RAB11FIP4: variants seen among roughly 807,000 people sequenced by gnomAD.
The protein encoded by RAB11FIP4 is RAB11 family interacting protein 4, also known as rab11 family-interacting protein 4.
RAB11FIP4 carries 23 observed loss-of-function variants against 74.3 expected under a neutral mutation model. The observed-to-expected ratio is 0.31, with a 90% CI of 0.22 to 0.44. RAB11FIP4 has a LOEUF of 0.44. RAB11FIP4 is among the 20% of genes least tolerant of loss of function. RAB11FIP4 has a pLI of 1.00. For synonymous variants in RAB11FIP4, 360 were observed against 359.9 expected, an observed-to-expected ratio of 1.00 and a Z score of 0.00; for missense variants, 630 against 863.9, an observed-to-expected ratio of 0.73 and a Z score of 3.39.
chr17:31,436,355 G>A (rs12944238), intron 3 of RAB11FIP4, among the ~76,000 whole-genome samples: 12,638 of 151,868 alleles, frequency 0.083, 633 homozygotes, highest in Middle Eastern at 0.13. Context: ...GTTTACCCTC[G>A]GATACTGGTG....
At chr17:31,458,515 G>C (rs1429593129) in intron 3 of RAB11FIP4, among the ~76,000 whole-genome samples, 4 of 152,204 alleles carry the variant, frequency 2.6e-5, no homozygotes, top group African/African-American at 9.6e-5. Flanking sequence ...GAGGCAGGTG[G>C]CACTGAGCCT....
In RAB11FIP4 at chr17:31,435,686, G is replaced by C. The variant is rs979561677; in HGVS notation, c.336+1564G>C. Among the ~76,000 whole-genome samples the C allele has an allele frequency of 4.6e-5, 7 of 152,232 alleles. 1 individual carries two copies. Among genetic ancestry groups the C allele is most frequent in the South Asian group, 2.1e-4 (1 of 4,832 alleles). ...GGTAGGCCTCTTGGAATCCAGCTGG[G>C]TCGTGGGGTCAGGGTTAGGTTCCCT... On this transcript the variant is annotated intron_variant, in intron 3 of 14. Coordinates refer to ENST00000621161, the MANE Select transcript of RAB11FIP4 (RefSeq NM_032932.6).
At chr17:31,464,630 T>C (rs2071666349) in intron 3 of RAB11FIP4, among the ~76,000 whole-genome samples, 1 of 151,888 alleles carries the variant, frequency 6.6e-6, no homozygotes, top group Admixed American at 6.6e-5. Flanking sequence ...TTTGTATTTT[T>C]AGTAGAAACG....
At chr17:31,525,339 G>GCCCCT in intron 10 of RAB11FIP4, 109 bp downstream of exon 10, 3 of 1,143,530 alleles carry the variant, frequency 2.6e-6, no homozygotes, top group Non-Finnish European at 3.7e-6. Flanking sequence ...AGGCTGAGGG[G>GCCCCT]CAGCCTCTTG....
At chr17:31,485,441 T>C (rs1204646143) in intron 3 of RAB11FIP4, among the ~76,000 whole-genome samples, 2 of 152,138 alleles carry the variant, frequency 1.3e-5, no homozygotes, top group East Asian at 3.8e-4. Context: ...ATTGACCTTC[T>C]CTGGGAGAGA....
intron 3 of RAB11FIP4, among the ~76,000 whole-genome samples, chr17:31,478,370 T>G (rs1460327814): frequency 6.6e-6 from 1 of 152,170 alleles, no homozygotes; most frequent in Non-Finnish European, 1.5e-5. Context: ...TTTGCCCAGG[T>G]GTGCTCTTCT....
intron 3 of RAB11FIP4, 110 bp downstream of exon 3, chr17:31,434,232 C>A (rs1357489131): frequency 2.3e-6 from 2 of 852,508 alleles, no homozygotes; most frequent in Non-Finnish European, 1.9e-6. Flanking sequence ...CCTCTGAGGA[C>A]CCTTCTTGAG....
intron 3 of RAB11FIP4, among the ~76,000 whole-genome samples, chr17:31,477,864 T>G (rs2071809617): frequency 6.6e-6 from 1 of 152,202 alleles, no homozygotes; most frequent in South Asian, 2.1e-4. Flanking sequence ...GAGCCTCAGT[T>G]TCCCCATCTG....
In RAB11FIP4 at chr17:31,517,201, G is replaced by T. The variant is rs1368849252; in HGVS notation, c.337-450G>T. On this transcript the variant is annotated intron_variant, in intron 3 of 14. Coordinates refer to ENST00000621161, the MANE Select transcript of RAB11FIP4 (RefSeq NM_032932.6). The stretch of plus-strand genomic sequence containing the variant: ...GGCGAGGAGGCGGTGCGGGGGGGGG[G>T]GCGGTGGGGGGGGCGGGGGGGAAGG... Among the ~76,000 whole-genome samples the T allele has an allele frequency of 4.0e-5, 5 of 126,466 alleles. No individual in the cohort carries two copies. In the East Asian group the frequency reaches 1.1e-3, roughly 27 times the overall value. 83.0% of individuals were successfully genotyped at this position (126,466 alleles called of 152,430 possible). A position where few individuals can be genotyped will look rare whatever the true frequency, so the allele number is the denominator to read the frequency against.
intron 3 of RAB11FIP4, among the ~76,000 whole-genome samples, chr17:31,483,024 C>A (rs1192715419): frequency 6.6e-6 from 1 of 151,810 alleles, no homozygotes; most frequent in African/African-American, 2.4e-5. Flanking sequence ...GAAACCCCGT[C>A]TCTACTAAAA....
intron 3 of RAB11FIP4, among the ~76,000 whole-genome samples, chr17:31,445,611 A>C (rs1415915427): frequency 1.9e-5 from 2 of 106,800 alleles, no homozygotes; most frequent in East Asian, 2.9e-4. Context: ...TTTGACACGG[A>C]GTCTTGCTCT....
intron 3 of RAB11FIP4, among the ~76,000 whole-genome samples, chr17:31,462,427 C>A (rs1281644157): frequency 6.6e-6 from 1 of 152,066 alleles, no homozygotes; most frequent in Non-Finnish European, 1.5e-5. Context: ...TAGAAAGGGT[C>A]TGGAGTATCC....
At chr17:31,505,421 ATTAATATATAATTATTAT>A (rs1300586950) in intron 3 of RAB11FIP4, among the ~76,000 whole-genome samples, 4 of 90,866 alleles carry the variant, frequency 4.4e-5, no homozygotes, top group Non-Finnish European at 8.0e-5. Flanking sequence ...ATTATTATAT[ATTAATATATAATTATTAT>A]ATAATATATA....
chr17:31,519,690 A>G (rs574145250), intron 4 of RAB11FIP4, among the ~76,000 whole-genome samples: 2 of 152,270 alleles, frequency 1.3e-5, no homozygotes, highest in Non-Finnish European at 1.5e-5. Context: ...AATCATTTCC[A>G]TCTTCAAAAA....
At chr17:31,422,038 G>A (rs1278729344) in intron 1 of RAB11FIP4, among the ~76,000 whole-genome samples, 2 of 152,088 alleles carry the variant, frequency 1.3e-5, no homozygotes, top group African/African-American at 4.8e-5. Context: ...AGCTGGGCGT[G>A]TTGACATATC....
intron 3 of RAB11FIP4, among the ~76,000 whole-genome samples, chr17:31,502,294 A>G (rs1204822840): frequency 2.6e-5 from 4 of 152,060 alleles, no homozygotes; most frequent in Non-Finnish European, 4.4e-5. Context: ...TAAAGGTTGA[A>G]TTGGCTGGGC....
chr17:31,522,944 G>T (rs150271634), intron 7 of RAB11FIP4: 1 of 175,064 alleles, frequency 5.7e-6, no homozygotes, highest in East Asian at 1.5e-4. Flanking sequence ...GCTGGAAGGG[G>T]ATGTCACTGG....
chr17:31,408,049 C>A (rs564379919), intron 1 of RAB11FIP4, among the ~76,000 whole-genome samples: 97 of 152,140 alleles, frequency 6.4e-4, no homozygotes, highest in African/African-American at 2.3e-3. Flanking sequence ...TTCTGAGTAT[C>A]ACTATGAACT....
At chr17:31,413,832 G>A (rs1403833160) in intron 1 of RAB11FIP4, among the ~76,000 whole-genome samples, 1 of 152,202 alleles carries the variant, frequency 6.6e-6, no homozygotes, top group African/African-American at 2.4e-5. Flanking sequence ...TTTCAAAAGA[G>A]TCATAAGAGT....
Sources: gnomAD v4.1 joint callset for allele counts (sites outside exome capture counted in the v4.1 genomes callset) on GRCh38, gnomAD v4.1.1 for gene constraint, MANE v1.5 for transcripts, NCBI Gene and HGNC (gene_info 2026-07-23, HGNC 2026-07-21) for gene names.